DPP10: variants seen among roughly 807,000 people sequenced by gnomAD.
The protein encoded by DPP10 is inactive dipeptidyl peptidase 10.
A neutral mutation model predicts 120.9 loss-of-function variants in DPP10; 33 were observed. That is an observed-to-expected ratio of 0.27 (90% CI 0.21 to 0.37). The LOEUF (loss-of-function observed/expected upper bound fraction) is 0.37, where lower values mean the gene tolerates loss of function less well. DPP10 is among the 10% of genes least tolerant of loss of function. The probability of loss-of-function intolerance (pLI) is 1.00; values close to 1 mark genes in which losing one functional copy is unlikely to be tolerated. For synonymous variants in DPP10, 337 were observed against 326.1 expected (o/e 1.03, Z -0.36); for missense variants, 816 against 942.8 (o/e 0.87, Z 1.76).
intron 1 of DPP10, among the ~76,000 whole-genome samples, chr2:115,044,351 A>G (rs1321995750): frequency 1.3e-5 from 2 of 152,058 alleles, no homozygotes; most frequent in African/African-American, 4.8e-5. Flanking sequence ...TTAAAAGACC[A>G]GATCTTTTTT....
At chr2:115,418,996 C>T (rs2069691340) in intron 3 of DPP10, among the ~76,000 whole-genome samples, 1 of 152,024 alleles carries the variant, frequency 6.6e-6, no homozygotes, top group Admixed American at 6.6e-5. Context: ...ATGAAGTCTA[C>T]AAACAATATG....
At chr2:114,931,405 A>G (rs532375774) in intron 1 of DPP10, among the ~76,000 whole-genome samples, 5 of 152,300 alleles carry the variant, frequency 3.3e-5, no homozygotes, top group East Asian at 3.9e-4. Context: ...TGAGAGAGAA[A>G]GTAAGATGCA....
At chr2:115,561,237 T>A (rs2080644545) in intron 5 of DPP10, among the ~76,000 whole-genome samples, 1 of 151,474 alleles carries the variant, frequency 6.6e-6, no homozygotes, top group Admixed American at 6.6e-5. Context: ...CACGCACCTG[T>A]AATCCCAGCT....
chr2:114,745,525 A>G (rs1678498174), intron 1 of DPP10, among the ~76,000 whole-genome samples: 2 of 152,228 alleles, frequency 1.3e-5, no homozygotes, highest in Non-Finnish European at 2.9e-5. Context: ...GCAAAAAGAA[A>G]TACATGGTAT....
intron 1 of DPP10, among the ~76,000 whole-genome samples, chr2:114,570,238 A>G (rs1254596805): frequency 6.6e-6 from 1 of 152,188 alleles, no homozygotes; most frequent in East Asian, 1.9e-4. Context: ...CCAAATGATA[A>G]CAAATCATTT....
chr2:114,946,942 A>G (rs2104612629), intron 1 of DPP10, among the ~76,000 whole-genome samples: 1 of 152,236 alleles, frequency 6.6e-6, no homozygotes, highest in East Asian at 1.9e-4. Context: ...GAAGAATGTT[A>G]AATGTACATT....
chr2:115,215,404 C>T (rs1185069392), intron 1 of DPP10, among the ~76,000 whole-genome samples: 1 of 152,090 alleles, frequency 6.6e-6, no homozygotes, highest in Admixed American at 6.6e-5. Flanking sequence ...TAATTTTGAG[C>T]ATTTGTGAAT....
At chr2:114,523,350 G>A (rs1685233087) in intron 1 of DPP10, among the ~76,000 whole-genome samples, 4 of 152,166 alleles carry the variant, frequency 2.6e-5, no homozygotes, top group Admixed American at 1.3e-4. Context: ...CGACTTCCAT[G>A]CTGGGTAATT....
intron 1 of DPP10, among the ~76,000 whole-genome samples, chr2:115,002,230 C>T (rs1258985807): frequency 6.6e-6 from 1 of 151,912 alleles, no homozygotes; most frequent in African/African-American, 2.4e-5. Context: ...TCACCTACAA[C>T]CATCAGATCT....
At chr2:115,460,580 C>A (rs2105066611) in intron 3 of DPP10, among the ~76,000 whole-genome samples, 1 of 152,240 alleles carries the variant, frequency 6.6e-6, no homozygotes, top group Non-Finnish European at 1.5e-5. Context: ...TTCTTCCTGG[C>A]TGGTTGCCTG....
intron 12 of DPP10, 68 bp from the exon 13 acceptor site, chr2:115,768,229 T>C (rs1282509671): frequency 7.4e-7 from 1 of 1,356,656 alleles, no homozygotes; most frequent in Non-Finnish European, 1.0e-6. Context: ...ATGCAGGAAT[T>C]AACAGTAGTA....
intron 5 of DPP10, among the ~76,000 whole-genome samples, chr2:115,668,111 A>G (rs2089602959): frequency 6.6e-6 from 1 of 152,112 alleles, no homozygotes; most frequent in Non-Finnish European, 1.5e-5. Flanking sequence ...CAGTAGTAGA[A>G]ACTTATTAAA....
chr2:115,618,763 C>T (rs1331969826), intron 5 of DPP10, among the ~76,000 whole-genome samples: 2 of 152,056 alleles, frequency 1.3e-5, no homozygotes, highest in African/African-American at 2.4e-5. Context: ...AGCATTACTC[C>T]ATGGAGTTGT....
intron 1 of DPP10, among the ~76,000 whole-genome samples, chr2:114,807,495 C>A (rs536296575): frequency 6.6e-6 from 1 of 152,112 alleles, no homozygotes; most frequent in Non-Finnish European, 1.5e-5. Context: ...AATACTAGAA[C>A]TTACTTCTAT....
At chr2:115,677,814 G>C (rs1451959882) in intron 5 of DPP10, among the ~76,000 whole-genome samples, 4 of 152,160 alleles carry the variant, frequency 2.6e-5, no homozygotes, top group Admixed American at 2.6e-4. Flanking sequence ...CTCCACTACA[G>C]TAAAAGCTGG....
intron 1 of DPP10, among the ~76,000 whole-genome samples, chr2:114,574,867 GA>G (rs756361355): frequency 1.3e-5 from 2 of 152,160 alleles, no homozygotes; most frequent in African/African-American, 2.4e-5. Flanking sequence ...GGATTTCCAT[GA>G]GTCCATTGGG....
chr2:114,812,752 G>A (rs1407850345), intron 1 of DPP10, among the ~76,000 whole-genome samples: 1 of 152,002 alleles, frequency 6.6e-6, no homozygotes, highest in Non-Finnish European at 1.5e-5. Context: ...TTGTTTGCTT[G>A]TTTGTTTTTG....
intron 1 of DPP10, among the ~76,000 whole-genome samples, chr2:115,262,794 T>C (rs1474346141): frequency 6.6e-6 from 1 of 152,220 alleles, no homozygotes; most frequent in Non-Finnish European, 1.5e-5. Flanking sequence ...ACATATTGAC[T>C]GTTTTCATGA....
chr2:115,644,669 G>A (rs779538940), intron 5 of DPP10, among the ~76,000 whole-genome samples: 30 of 151,804 alleles, frequency 2.0e-4, no homozygotes, highest in South Asian at 6.2e-4. Context: ...TGTAGTCCTA[G>A]CTACTTGGGA....
Sources: gnomAD v4.1 joint callset for allele counts (sites outside exome capture counted in the v4.1 genomes callset) on GRCh38, gnomAD v4.1.1 for gene constraint, MANE v1.5 for transcripts, NCBI Gene and HGNC (gene_info 2026-07-23, HGNC 2026-07-21) for gene names.